The following FOXO3 variants were observed in gnomAD, a reference collection of about 807,000 sequenced individuals.
FOXO3 encodes forkhead box protein O3.
Under a neutral mutation model 41.9 loss-of-function variants are expected in FOXO3, and 4 were observed. The observed-to-expected ratio is 0.10, with a 90% CI of 0.05 to 0.22. FOXO3 has a LOEUF of 0.22. FOXO3 is among the 10% of genes least tolerant of loss of function. The pLI, the probability that FOXO3 is intolerant of heterozygous loss-of-function variation, is 1.00. For missense variants in FOXO3, 534 were observed against 906.8 expected (o/e 0.59, Z 5.28); for synonymous variants, 318 against 389.3 (o/e 0.82, Z 2.16).
intron 1 of FOXO3, among the ~76,000 whole-genome samples, chr6:108,608,379 C>T (rs1777267645): frequency 1.3e-5 from 2 of 152,160 alleles, no homozygotes; most frequent in Non-Finnish European, 2.9e-5. Context: ...GCCAAAGAGG[C>T]TAATTTCTAA....
At position 108,663,746 on chromosome 6, in the gene FOXO3, G is replaced by C. The variant is rs765065699; in HGVS notation, c.913G>C (p.Ala305Pro). The change falls in exon 2 of 3, where the codon GCG becomes CCG. Residue 305 changes from alanine to proline, a missense_variant. Around this residue, in one of 8 missense-constraint regions of FOXO3, gnomAD observed 185 missense variants for 224.9 expected, o/e 0.82. Coordinates refer to ENST00000406360, the MANE Select transcript of FOXO3 (RefSeq NM_001455.4). ...GTCACGCAGCAGTGATGAGCTGGAT[G>C]CGTGGACGGACTTCCGTTCACGCAC... is the stretch of plus-strand genomic sequence containing the variant. ...PTSRSSDELD[A>P]WTDFRSRTNS... The C allele has an allele frequency of 3.4e-5, 55 of 1,613,728 alleles. No homozygotes were observed. Among genetic ancestry groups the C allele is most frequent in the South Asian group, 4.4e-5 (4 of 91,052 alleles).
intron 2 of FOXO3, among the ~76,000 whole-genome samples, chr6:108,678,778 A>G (rs1770721173): frequency 6.6e-6 from 1 of 151,196 alleles, no homozygotes; most frequent in Non-Finnish European, 1.5e-5. Flanking sequence ...CTGTAGTCCT[A>G]GCTACTCAGG....
intron 1 of FOXO3, among the ~76,000 whole-genome samples, chr6:108,651,152 G>T (rs367934620): frequency 6.6e-6 from 1 of 152,186 alleles, no homozygotes; most frequent in African/African-American, 2.4e-5. Context: ...TGACTGCATC[G>T]TACTCTTTAT....
chr6:108,615,432 ACATAGTCTCT>A (rs1233210613), intron 1 of FOXO3, among the ~76,000 whole-genome samples: 2 of 151,898 alleles, frequency 1.3e-5, no homozygotes, highest in African/African-American at 4.8e-5. Flanking sequence ...CCATTGTCTC[ACATAGTCTCT>A]GAAAAGTGAT....
intron 1 of FOXO3, among the ~76,000 whole-genome samples, chr6:108,636,412 T>TA (rs983964333): frequency 3.9e-5 from 6 of 152,068 alleles, no homozygotes; most frequent in Admixed American, 2.0e-4. Context: ...AGGGGAAGGG[T>TA]AAACCCAGCA....
intron 1 of FOXO3, among the ~76,000 whole-genome samples, chr6:108,653,539 C>A (rs1778604447): frequency 6.6e-6 from 1 of 152,116 alleles, no homozygotes; most frequent in African/African-American, 2.4e-5. Flanking sequence ...CCTCTTTGGT[C>A]CTCAGGGTCT....
chr6:108,683,329 T>G lies in FOXO3; in HGVS notation c.*3537T>G, dbSNP rs1798947355. The G allele has an allele frequency of 6.6e-6, 1 of 152,100 alleles. No individual in the cohort carries two copies. 9.4% of individuals were successfully genotyped at this position (152,100 alleles called of 1,614,324 possible). ...GGTGGCTTCCAAACTTGTACGCAGTTTAAAGATGGTGGGGACAGACTTTGC... is the reference window on the plus strand; with the variant it reads ...GGTGGCTTCCAAACTTGTACGCAGTGTAAAGATGGTGGGGACAGACTTTGC... On this transcript the variant is annotated 3_prime_UTR_variant, in exon 3 of 3. Coordinates refer to ENST00000406360, the MANE Select transcript of FOXO3 (RefSeq NM_001455.4).
intron 1 of FOXO3, among the ~76,000 whole-genome samples, chr6:108,562,247 T>C (rs1396555235): frequency 6.6e-6 from 1 of 151,720 alleles, no homozygotes; most frequent in Non-Finnish European, 1.5e-5. Flanking sequence ...ACGCAGTGTC[T>C]GGAGGAGGGG....
intron 1 of FOXO3, among the ~76,000 whole-genome samples, chr6:108,597,200 A>C (rs1214960176): frequency 6.6e-6 from 1 of 152,196 alleles, no homozygotes; most frequent in Non-Finnish European, 1.5e-5. Flanking sequence ...CAGAGGTTGT[A>C]TAAGTTGTTT....
chr6:108,653,971 A>G (rs539877509), intron 1 of FOXO3, among the ~76,000 whole-genome samples: 6 of 152,356 alleles, frequency 3.9e-5, no homozygotes, highest in Admixed American at 2.0e-4. Context: ...AACAGATTCA[A>G]TAACATCACA....
chr6:108,637,177 C>T (rs1425974076), intron 1 of FOXO3, among the ~76,000 whole-genome samples: 1 of 152,146 alleles, frequency 6.6e-6, no homozygotes, highest in African/African-American at 2.4e-5. Context: ...AGTGGAGAGG[C>T]TATTTTTCTG....
intron 1 of FOXO3, among the ~76,000 whole-genome samples, chr6:108,625,680 A>G (rs1183584852): frequency 6.6e-6 from 1 of 152,188 alleles, no homozygotes; most frequent in African/African-American, 2.4e-5. Context: ...TCTTGGAAGG[A>G]TGCTGTGATG....
chr6:108,636,381 T>C (rs1778121266), intron 1 of FOXO3, among the ~76,000 whole-genome samples: 1 of 152,142 alleles, frequency 6.6e-6, no homozygotes, highest in South Asian at 2.1e-4. Flanking sequence ...TTTCGTATGC[T>C]CTAGAGAGCT....
intron 1 of FOXO3, among the ~76,000 whole-genome samples, chr6:108,570,926 G>T (rs1023188933): frequency 6.6e-6 from 1 of 152,118 alleles, no homozygotes; most frequent in African/African-American, 2.4e-5. Context: ...TAAGACCCAT[G>T]ATTTACTTCC....
chr6:108,644,168 C>T (rs996060382), intron 1 of FOXO3, among the ~76,000 whole-genome samples: 38 of 152,264 alleles, frequency 2.5e-4, no homozygotes, highest in African/African-American at 7.9e-4. Context: ...ATGCTTAGGC[C>T]CTGGTGCAAA....
intron 1 of FOXO3, among the ~76,000 whole-genome samples, chr6:108,563,264 A>G (rs1335485771): frequency 6.6e-6 from 1 of 152,274 alleles, no homozygotes; most frequent in Non-Finnish European, 1.5e-5. Flanking sequence ...TGTATTAGAT[A>G]CTTTAAAAGC....
intron 1 of FOXO3, 54 bp downstream of exon 1, chr6:108,561,883 C>A: frequency 1.3e-6 from 2 of 1,483,686 alleles, no homozygotes; most frequent in South Asian, 1.4e-5. Context: ...CTGCGCAGCG[C>A]GAGACGCGTC....
At chr6:108,619,727 A>G (rs1393441066) in intron 1 of FOXO3, among the ~76,000 whole-genome samples, 1 of 152,208 alleles carries the variant, frequency 6.6e-6, no homozygotes. Flanking sequence ...AATTCCTTCT[A>G]TAGACTGTTG....
chr6:108,590,933 G>A (rs868221418), intron 1 of FOXO3, among the ~76,000 whole-genome samples: 1 of 152,194 alleles, frequency 6.6e-6, no homozygotes, highest in African/African-American at 2.4e-5. Context: ...GACAGCAGAC[G>A]AAACTGAGGC....
Sources: allele counts gnomAD v4.1 joint callset (sites outside exome capture counted in the v4.1 genomes callset), GRCh38; gene constraint gnomAD v4.1.1; regional missense constraint gnomAD v4.1.1; transcripts MANE v1.5; gene names NCBI Gene and HGNC (gene_info 2026-07-23, HGNC 2026-07-21).